Variants in CNTN3 observed in about 807,000 individuals in gnomAD.
CNTN3 encodes the protein contactin 3, also known as contactin-3.
CNTN3 carries 60 observed loss-of-function variants against 119.1 expected under a neutral mutation model. That is an observed-to-expected ratio of 0.50 (90% CI 0.41 to 0.62). The LOEUF (loss-of-function observed/expected upper bound fraction) is 0.62, where lower values mean the gene tolerates loss of function less well. Among genes scored for constraint, CNTN3 ranks in the 20% least tolerant of loss-of-function variants. The pLI is 0.00. For synonymous variants in CNTN3, 450 were observed against 438.7 expected, an observed-to-expected ratio of 1.03 and a Z score of -0.32; for missense variants, 1,101 against 1,242.4, an observed-to-expected ratio of 0.89 and a Z score of 1.71.
intron 5 of CNTN3, among the ~76,000 whole-genome samples, chr3:74,411,043 C>T (rs1181673499): frequency 6.6e-6 from 1 of 152,066 alleles, no homozygotes; most frequent in Non-Finnish European, 1.5e-5. Flanking sequence ...TCCCTCCCTC[C>T]CTTCCTTCTT....
chr3:74,412,614 T>C (rs1051086354), intron 5 of CNTN3, among the ~76,000 whole-genome samples: 1 of 152,182 alleles, frequency 6.6e-6, no homozygotes, highest in Non-Finnish European at 1.5e-5. Context: ...CTGTAAAGAA[T>C]ATCCTTAAAG....
intron 4 of CNTN3, among the ~76,000 whole-genome samples, chr3:74,442,961 G>A (rs929912838): frequency 6.6e-6 from 1 of 152,166 alleles, no homozygotes; most frequent in Non-Finnish European, 1.5e-5. Flanking sequence ...TAAACAATAT[G>A]CTTATAGATT....
intron 2 of CNTN3, among the ~76,000 whole-genome samples, chr3:74,515,426 C>A (rs967594182): frequency 6.6e-6 from 1 of 151,942 alleles, no homozygotes; most frequent in Non-Finnish European, 1.5e-5. Context: ...TACCATCAAA[C>A]TCATATCATT....
At chr3:74,376,047 C>G (rs1704467841) in intron 5 of CNTN3, among the ~76,000 whole-genome samples, 1 of 152,120 alleles carries the variant, frequency 6.6e-6, no homozygotes, top group South Asian at 2.1e-4. Context: ...GCCATACAAT[C>G]ACTTGCTGGT....
intron 2 of CNTN3, 105 bp downstream of exon 2, chr3:74,520,953 T>C: frequency 1.8e-6 from 1 of 550,298 alleles, no homozygotes; most frequent in Non-Finnish European, 3.1e-6. Flanking sequence ...CATTTGTTTT[T>C]CTTTGCTACT....
chr3:74,578,836 T>C (rs1041029949), intron 1 of CNTN3, among the ~76,000 whole-genome samples: 1 of 152,058 alleles, frequency 6.6e-6, no homozygotes, highest in Admixed American at 6.5e-5. Flanking sequence ...CCTGAAATAC[T>C]GCAAGGCAGG....
intron 5 of CNTN3, among the ~76,000 whole-genome samples, chr3:74,375,600 G>C (rs944443623): frequency 6.6e-6 from 1 of 152,124 alleles, no homozygotes; most frequent in Non-Finnish European, 1.5e-5. Context: ...GTCACAGTAA[G>C]GGAAAAGGAA....
intron 11 of CNTN3, among the ~76,000 whole-genome samples, chr3:74,358,588 T>C (rs1248381026): frequency 7.7e-6 from 1 of 130,204 alleles, no homozygotes; most frequent in Non-Finnish European, 1.6e-5. Context: ...ATTCTTTTTT[T>C]TTTTTTTGAT....
intron 4 of CNTN3, among the ~76,000 whole-genome samples, chr3:74,442,038 T>C (rs1339282569): frequency 6.6e-6 from 1 of 151,580 alleles, no homozygotes; most frequent in African/African-American, 2.4e-5. Flanking sequence ...GAAAATGGGG[T>C]TCTCCATTTA....
At chr3:74,265,046 C>A (rs1456852703) in intron 22 of CNTN3, among the ~76,000 whole-genome samples, 1 of 152,102 alleles carries the variant, frequency 6.6e-6, no homozygotes, top group Admixed American at 6.6e-5. Flanking sequence ...TGATTACAAA[C>A]AACTTTGAGA....
At chr3:74,372,783 A>G (rs151306968) in intron 5 of CNTN3, among the ~76,000 whole-genome samples, 4 of 152,230 alleles carry the variant, frequency 2.6e-5, no homozygotes, top group African/African-American at 9.6e-5. Context: ...TAGAGGAAGG[A>G]CAGGTGCCAT....
At chr3:74,526,895 A>G (rs575336878) in intron 1 of CNTN3, among the ~76,000 whole-genome samples, 3 of 151,962 alleles carry the variant, frequency 2.0e-5, no homozygotes, top group African/African-American at 7.2e-5. Context: ...TCTTCAAAAA[A>G]TAGTGATTTG....
chr3:74,454,804 G>T (rs1435726015), intron 4 of CNTN3, among the ~76,000 whole-genome samples: 1 of 151,950 alleles, frequency 6.6e-6, no homozygotes, highest in Non-Finnish European at 1.5e-5. Context: ...ATTCTGGGTT[G>T]AAAATTCTTT....
At chr3:74,347,110 C>T (rs1703709846) in intron 11 of CNTN3, among the ~76,000 whole-genome samples, 1 of 152,056 alleles carries the variant, frequency 6.6e-6, no homozygotes, top group South Asian at 2.1e-4. Flanking sequence ...AGTCTAAAGG[C>T]CAAGTTGGGA....
chr3:74,314,483 T>C (rs1294192193), intron 13 of CNTN3, among the ~76,000 whole-genome samples: 1 of 152,036 alleles, frequency 6.6e-6, no homozygotes, highest in African/African-American at 2.4e-5. Context: ...ATTGTACTAA[T>C]CAAAAGACAG....
At chr3:74,520,548 T>G (rs1575804817) in intron 2 of CNTN3, among the ~76,000 whole-genome samples, 1 of 151,610 alleles carries the variant, frequency 6.6e-6, no homozygotes, top group Admixed American at 6.6e-5. Context: ...TCAAAGACGA[T>G]AATTTTTTTT....
chr3:74,559,867 A>G (rs1034178640), intron 1 of CNTN3, among the ~76,000 whole-genome samples: 2 of 152,130 alleles, frequency 1.3e-5, no homozygotes, highest in African/African-American at 4.8e-5. Flanking sequence ...TATGGAGTCA[A>G]CTCTCTAATG....
chr3:74,454,917 C>T (rs950207609), intron 4 of CNTN3, among the ~76,000 whole-genome samples: 5 of 152,150 alleles, frequency 3.3e-5, no homozygotes. Flanking sequence ...GTAACCCGAC[C>T]TTTCTCTCTG....
intron 13 of CNTN3, among the ~76,000 whole-genome samples, chr3:74,312,317 G>C (rs548011725): frequency 4.0e-5 from 6 of 151,770 alleles, no homozygotes; most frequent in South Asian, 2.1e-4. Flanking sequence ...CTAGCCAGGC[G>C]TGGTGGCGGG....
Sources: allele counts gnomAD v4.1 joint callset (sites outside exome capture counted in the v4.1 genomes callset), GRCh38; gene constraint gnomAD v4.1.1; transcripts MANE v1.5; gene names NCBI Gene and HGNC (gene_info 2026-07-23, HGNC 2026-07-21).